LINGO2: variants seen among roughly 807,000 people sequenced by gnomAD.
LINGO2 encodes leucine rich repeat and Ig domain containing 2.
LINGO2 carries 14 observed loss-of-function variants against 30.6 expected under a neutral mutation model. That is an observed-to-expected ratio of 0.46 (90% confidence interval 0.30 to 0.72). The LOEUF is 0.72. LINGO2 is among the 30% of genes least tolerant of loss of function. LINGO2 has a pLI of 0.07. For synonymous variants in LINGO2, 317 were observed against 288.5 expected (o/e 1.10, Z -1.00); for missense variants, 729 against 751.7 (o/e 0.97, Z 0.35).
chr9:28,496,742 T>C (rs2135293726), intron 1 of LINGO2, among the ~76,000 whole-genome samples: 1 of 152,320 alleles, frequency 6.6e-6, no homozygotes, highest in South Asian at 2.1e-4. Context: ...TGATGCAGTT[T>C]CTTCCTAGCA....
At chr9:28,897,508 G>C in the LINGO2 span, among the ~76,000 whole-genome samples, 2 of 152,026 alleles carry the variant, frequency 1.3e-5, no homozygotes, top group Non-Finnish European at 2.9e-5. Flanking sequence ...GCTATCTCTT[G>C]TCACCTTCTC....
intron 1 of LINGO2, among the ~76,000 whole-genome samples, chr9:28,495,698 T>A (rs1819586680): frequency 6.6e-6 from 1 of 152,226 alleles, no homozygotes; most frequent in Non-Finnish European, 1.5e-5. Context: ...TGCCTTCTGA[T>A]AGCTTTTGAA....
At chr9:29,170,325 A>G in the LINGO2 span, among the ~76,000 whole-genome samples, 1 of 152,216 alleles carries the variant, frequency 6.6e-6, no homozygotes, top group Admixed American at 6.5e-5. Flanking sequence ...AGAGGCCATT[A>G]TCCTAAGTGA....
the LINGO2 span, among the ~76,000 whole-genome samples, chr9:28,910,742 A>G: frequency 6.6e-6 from 1 of 152,072 alleles, no homozygotes; most frequent in Non-Finnish European, 1.5e-5. Flanking sequence ...CTGAAGAACC[A>G]TGAACCAATT....
At chr9:28,877,642 T>C in the LINGO2 span, among the ~76,000 whole-genome samples, 2 of 152,202 alleles carry the variant, frequency 1.3e-5, no homozygotes, top group Non-Finnish European at 2.9e-5. Context: ...CCATGCTGTT[T>C]TGGTGACTGT....
chr9:28,668,061 T>A (rs1828870451), intron 1 of LINGO2, among the ~76,000 whole-genome samples: 1 of 152,074 alleles, frequency 6.6e-6, no homozygotes, highest in Non-Finnish European at 1.5e-5. Context: ...ACTAATATCA[T>A]GGATTTTTTT....
At chr9:28,965,457 A>G in the LINGO2 span, among the ~76,000 whole-genome samples, 1 of 152,048 alleles carries the variant, frequency 6.6e-6, no homozygotes, top group African/African-American at 2.4e-5. Context: ...ACGTATTTAA[A>G]TCACTGGACA....
intron 4 of LINGO2, among the ~76,000 whole-genome samples, chr9:28,197,306 T>C (rs898913512): frequency 2.0e-5 from 3 of 151,736 alleles, no homozygotes; most frequent in African/African-American, 7.3e-5. Context: ...ACAAATAGAA[T>C]ATTATGGGAA....
At chr9:28,386,924 A>G (rs1308200119) in intron 2 of LINGO2, among the ~76,000 whole-genome samples, 1 of 152,218 alleles carries the variant, frequency 6.6e-6, no homozygotes, top group Non-Finnish European at 1.5e-5. Context: ...TATTGAAGAT[A>G]TAGTAAGAAT....
At chr9:29,201,544 A>G in the LINGO2 span, among the ~76,000 whole-genome samples, 2 of 152,034 alleles carry the variant, frequency 1.3e-5, no homozygotes, top group African/African-American at 4.8e-5. Context: ...TTTGTTCTAT[A>G]ACCTATAAAA....
chr9:28,560,645 T>C (rs1822997744), intron 1 of LINGO2, among the ~76,000 whole-genome samples: 1 of 151,892 alleles, frequency 6.6e-6, no homozygotes, highest in Non-Finnish European at 1.5e-5. Context: ...CTGTTTGGCG[T>C]TTTTATTTTT....
chr9:28,555,482 A>G (rs368825774), intron 1 of LINGO2, among the ~76,000 whole-genome samples: 1 of 151,616 alleles, frequency 6.6e-6, no homozygotes, highest in Non-Finnish European at 1.5e-5. Context: ...CAATAACAGG[A>G]TCTGAAATTG....
intron 2 of LINGO2, among the ~76,000 whole-genome samples, chr9:28,458,035 G>A (rs1359226302): frequency 4.6e-5 from 7 of 152,128 alleles, no homozygotes; most frequent in African/African-American, 1.7e-4. Flanking sequence ...TTCTTTCAAT[G>A]CTGTTCTGCT....
At chr9:28,848,358 ATATATTGTGTGTGTGTG>A in the LINGO2 span, among the ~76,000 whole-genome samples, 3 of 104,298 alleles carry the variant, frequency 2.9e-5, no homozygotes, top group Admixed American at 2.4e-4. Flanking sequence ...ATATATACAC[ATATATTGTGTGTGTGTG>A]TGTGTGTGTG....
chr9:27,965,900 A>G (rs1301284555), intron 5 of LINGO2, among the ~76,000 whole-genome samples: 4 of 152,118 alleles, frequency 2.6e-5, no homozygotes, highest in Non-Finnish European at 1.5e-5. Context: ...AAGGCAGTAT[A>G]AGGTAATGGC....
At chr9:28,266,979 G>T (rs1453918565) in intron 4 of LINGO2, among the ~76,000 whole-genome samples, 3 of 152,006 alleles carry the variant, frequency 2.0e-5, no homozygotes, top group Admixed American at 1.3e-4. Context: ...AAGTACAGAG[G>T]AAAAGTTAAA....
the LINGO2 span, among the ~76,000 whole-genome samples, chr9:29,014,495 A>T: frequency 1.1e-4 from 17 of 152,272 alleles, no homozygotes; most frequent in South Asian, 1.0e-3. Flanking sequence ...CTCACTTTAT[A>T]ACACTATGAA....
the LINGO2 span, among the ~76,000 whole-genome samples, chr9:28,759,932 C>T: frequency 6.6e-6 from 1 of 151,964 alleles, no homozygotes; most frequent in African/African-American, 2.4e-5. Context: ...CAATAAACAC[C>T]ATCATCTACC....
chr9:29,023,596 A>C, the LINGO2 span, among the ~76,000 whole-genome samples: 16 of 152,140 alleles, frequency 1.1e-4, no homozygotes, highest in Non-Finnish European at 5.9e-5. Flanking sequence ...ATCATACCTA[A>C]ATATAAAATT....
Sources: allele counts gnomAD v4.1 joint callset (sites outside exome capture counted in the v4.1 genomes callset), GRCh38; gene constraint gnomAD v4.1.1; transcripts MANE v1.5; gene names NCBI Gene and HGNC (gene_info 2026-07-23, HGNC 2026-07-21).